Variants in NEBL observed in about 807,000 individuals in gnomAD.
The protein encoded by NEBL is LIM and SH3 protein 2.
Under a neutral mutation model 140.2 loss-of-function variants are expected in NEBL, and 122 were observed. The ratio of observed to expected loss-of-function variants is 0.87; its 90% CI spans 0.75 to 1.01. NEBL has a LOEUF of 1.01. Among genes scored for constraint, NEBL ranks in the 50% least tolerant of loss-of-function variants. NEBL has a pLI of 0.00. For missense variants in NEBL, 1,365 were observed against 1,231.3 expected (o/e 1.11, Z -1.62); for synonymous variants, 436 against 398.9 (o/e 1.09, Z -1.11).
intron 2 of NEBL, among the ~76,000 whole-genome samples, chr10:21,092,427 G>A (rs1277879013): frequency 6.6e-6 from 1 of 152,098 alleles, no homozygotes; most frequent in African/African-American, 2.4e-5. Flanking sequence ...AGAAGTAACA[G>A]TAAATTATGT....
intron 2 of NEBL, among the ~76,000 whole-genome samples, chr10:21,094,098 T>C (rs1193561182): frequency 6.6e-6 from 1 of 152,210 alleles, no homozygotes; most frequent in East Asian, 1.9e-4. Flanking sequence ...AGCTCACGCT[T>C]GTAATGCCAA....
chr10:21,186,919 AAT>A (rs1169887680), intron 3 of NEBL, among the ~76,000 whole-genome samples: 13 of 151,264 alleles, frequency 8.6e-5, no homozygotes, highest in African/African-American at 3.2e-4. Flanking sequence ...TTTTTTTCTG[AAT>A]ATTTTTCATC....
chr10:20,863,140 A>G (rs535224566), intron 7 of NEBL, among the ~76,000 whole-genome samples: 8 of 152,174 alleles, frequency 5.3e-5, no homozygotes, highest in Middle Eastern at 3.2e-3. Context: ...GTAGCTCCCC[A>G]TAACTGCACA....
chr10:20,935,304 T>C (rs1051330389), intron 4 of NEBL, among the ~76,000 whole-genome samples: 8 of 152,084 alleles, frequency 5.3e-5, no homozygotes, highest in African/African-American at 1.9e-4. Context: ...TAACAGAAAT[T>C]TTGAATCTTC....
chr10:21,261,824 G>A (rs545930185), intron 1 of NEBL, among the ~76,000 whole-genome samples: 3 of 152,106 alleles, frequency 2.0e-5, no homozygotes, highest in South Asian at 2.1e-4. Context: ...GAGTGTCAGC[G>A]GCAACACACA....
At chr10:21,252,920 A>T (rs772945041) in intron 1 of NEBL, among the ~76,000 whole-genome samples, 1 of 152,042 alleles carries the variant, frequency 6.6e-6, no homozygotes, top group Non-Finnish European at 1.5e-5. Flanking sequence ...ACACCACTGC[A>T]CTCCAGCCGG....
At chr10:21,168,893 C>T (rs1840919538) in intron 2 of NEBL, among the ~76,000 whole-genome samples, 1 of 149,948 alleles carries the variant, frequency 6.7e-6, no homozygotes, top group Admixed American at 6.7e-5. Context: ...CTAAAAAATA[C>T]AAAAAATTAG....
At chr10:21,235,297 TA>T (rs201546139) in intron 3 of NEBL, among the ~76,000 whole-genome samples, 11 of 150,984 alleles carry the variant, frequency 7.3e-5, no homozygotes, top group Non-Finnish European at 1.3e-4. Flanking sequence ...CCCTATCTCT[TA>T]AAAAAAAATC....
chr10:21,258,566 G>A (rs569567555), intron 1 of NEBL, among the ~76,000 whole-genome samples: 1 of 152,104 alleles, frequency 6.6e-6, no homozygotes, highest in African/African-American at 2.4e-5. Context: ...TTAGCCGGGT[G>A]TGGTGGCGGG....
intron 12 of NEBL, 21 bp downstream of exon 12, chr10:20,845,237 T>C (rs899574438): frequency 1.4e-6 from 2 of 1,401,046 alleles, no homozygotes; most frequent in Admixed American, 3.4e-5. Flanking sequence ...TAATATTTAA[T>C]AATAAACACC....
chr10:20,927,246 G>A (rs536337513), intron 4 of NEBL, among the ~76,000 whole-genome samples: 47 of 152,298 alleles, frequency 3.1e-4, no homozygotes, highest in Admixed American at 1.3e-3. Flanking sequence ...GATGCCCACA[G>A]AACATCATAG....
chr10:20,802,847 C>A (rs1211874483), intron 26 of NEBL, among the ~76,000 whole-genome samples: 3 of 152,038 alleles, frequency 2.0e-5, no homozygotes, highest in Non-Finnish European at 4.4e-5. Flanking sequence ...CATTCTTACA[C>A]ATAGAAAGAA....
intron 2 of NEBL, among the ~76,000 whole-genome samples, chr10:21,040,750 A>AG (rs1423889161): frequency 1.3e-5 from 2 of 152,124 alleles, no homozygotes; most frequent in Non-Finnish European, 2.9e-5. Context: ...ATGTTGGAGA[A>AG]GGGGCCTCAT....
chr10:20,825,033 C>G (rs1839701072), intron 18 of NEBL, among the ~76,000 whole-genome samples: 1 of 152,162 alleles, frequency 6.6e-6, no homozygotes. Context: ...ACACCTTAAG[C>G]CTAGGTCCTC....
chr10:21,042,026 C>A (rs954701420), intron 2 of NEBL, among the ~76,000 whole-genome samples: 2 of 152,146 alleles, frequency 1.3e-5, no homozygotes, highest in African/African-American at 4.8e-5. Flanking sequence ...GCTTCTTTAC[C>A]ACGTCCTGTT....
intron 2 of NEBL, among the ~76,000 whole-genome samples, chr10:21,089,442 G>C (rs1003721861): frequency 1.3e-5 from 2 of 152,166 alleles, no homozygotes; most frequent in Admixed American, 6.5e-5. Flanking sequence ...ATTTCCATCA[G>C]AGCTTGGAGG....
intron 2 of NEBL, among the ~76,000 whole-genome samples, chr10:21,142,732 G>A (rs1839695183): frequency 6.6e-6 from 1 of 152,182 alleles, no homozygotes; most frequent in Non-Finnish European, 1.5e-5. Context: ...GAGATCAGCG[G>A]TGGTATTAGA....
intron 3 of NEBL, among the ~76,000 whole-genome samples, chr10:21,015,396 C>T (rs936387780): frequency 6.6e-6 from 1 of 152,310 alleles, no homozygotes; most frequent in East Asian, 1.9e-4. Context: ...TTCAGAGTAC[C>T]CAAAGCATCT....
intron 26 of NEBL, among the ~76,000 whole-genome samples, chr10:20,799,135 T>A (rs1472931000): frequency 1.3e-5 from 2 of 152,220 alleles, no homozygotes; most frequent in Non-Finnish European, 2.9e-5. Flanking sequence ...ATTTTTCTAA[T>A]GATTAGATTC....
Sources: gnomAD v4.1 joint callset for allele counts (sites outside exome capture counted in the v4.1 genomes callset) on GRCh38, gnomAD v4.1.1 for gene constraint, MANE v1.5 for transcripts, NCBI Gene and HGNC (gene_info 2026-07-23, HGNC 2026-07-21) for gene names.